Variants in ACAP2 observed in about 807,000 individuals in gnomAD.
The protein encoded by ACAP2 is ArfGAP with coiled-coil, ankyrin repeat and PH domains 2.
ACAP2 carries 39 observed loss-of-function variants against 115.8 expected under a neutral mutation model. The observed-to-expected ratio is 0.34, with a 90% CI of 0.26 to 0.44. The LOEUF is 0.44. ACAP2 is among the 20% of genes least tolerant of loss of function. The pLI is 1.00. For synonymous variants in ACAP2, 289 were observed against 315.8 expected, an observed-to-expected ratio of 0.92 and a Z score of 0.90; for missense variants, 662 against 927.6, an observed-to-expected ratio of 0.71 and a Z score of 3.72.
intron 1 of ACAP2, among the ~76,000 whole-genome samples, chr3:195,439,658 G>A (rs776509050): frequency 6.7e-6 from 1 of 150,094 alleles, no homozygotes; most frequent in South Asian, 2.1e-4. Context: ...AGACAGTCTC[G>A]CTCTGTTGCC....
At chr3:195,308,673 T>C (rs1424252974) in intron 11 of ACAP2, 113 bp downstream of exon 11, 2 of 883,186 alleles carry the variant, frequency 2.3e-6, no homozygotes, top group Admixed American at 3.1e-5. Flanking sequence ...ATAAAACTAA[T>C]AAATAATTAC....
intron 4 of ACAP2, among the ~76,000 whole-genome samples, chr3:195,352,465 T>C (rs1221103031): frequency 6.6e-6 from 1 of 152,246 alleles, no homozygotes; most frequent in Non-Finnish European, 1.5e-5. Flanking sequence ...GTCTTCACTT[T>C]AAAAATAGTA....
chr3:195,343,458 G>C (rs983275844), intron 5 of ACAP2, among the ~76,000 whole-genome samples: 1 of 152,076 alleles, frequency 6.6e-6, no homozygotes, highest in Admixed American at 6.6e-5. Flanking sequence ...CACACTCTAA[G>C]AAACAACATT....
chr3:195,297,109 A>T, intron 16 of ACAP2, 81 bp downstream of exon 16: 2 of 1,246,116 alleles, frequency 1.6e-6, no homozygotes, highest in Non-Finnish European at 2.3e-6. Flanking sequence ...ACTTTGTCTC[A>T]ATGTTATATA....
intron 19 of ACAP2, 140 bp downstream of exon 19, chr3:195,292,125 A>G: frequency 9.6e-7 from 1 of 1,037,146 alleles, no homozygotes; most frequent in Admixed American, 3.4e-5. Flanking sequence ...AGAAACCACT[A>G]CTATTAATAG....
chr3:195,347,274 A>G (rs1731245356), intron 4 of ACAP2, among the ~76,000 whole-genome samples: 1 of 152,194 alleles, frequency 6.6e-6, no homozygotes, highest in African/African-American at 2.4e-5. Flanking sequence ...CAATCTTCTC[A>G]GGAACACTAA....
At chr3:195,311,244 ACG>A (rs2108999855) in intron 10 of ACAP2, among the ~76,000 whole-genome samples, 1 of 151,884 alleles carries the variant, frequency 6.6e-6, no homozygotes, top group East Asian at 1.9e-4. Context: ...TTACAGACAC[ACG>A]CCACCACACC....
chr3:195,395,506 T>C (rs1711684720), intron 1 of ACAP2, among the ~76,000 whole-genome samples: 1 of 152,202 alleles, frequency 6.6e-6, no homozygotes, highest in South Asian at 2.1e-4. Flanking sequence ...AAAATATTTT[T>C]AAAAAATAAT....
At chr3:195,335,625 T>C (rs897684763) in intron 7 of ACAP2, among the ~76,000 whole-genome samples, 1 of 152,154 alleles carries the variant, frequency 6.6e-6, no homozygotes, top group East Asian at 1.9e-4. Flanking sequence ...TACACATTAC[T>C]GTCAATCTCG....
At chr3:195,367,067 A>C (rs1337027505) in intron 4 of ACAP2, among the ~76,000 whole-genome samples, 1 of 148,238 alleles carries the variant, frequency 6.7e-6, no homozygotes, top group Non-Finnish European at 1.5e-5. Context: ...AAAAAAAAAA[A>C]AAAACGGCAA....
At chr3:195,435,650 T>C (rs912285231) in intron 1 of ACAP2, among the ~76,000 whole-genome samples, 26 of 152,228 alleles carry the variant, frequency 1.7e-4, no homozygotes, top group African/African-American at 6.0e-4. Flanking sequence ...TCTACATATT[T>C]GTGAATTTTT....
At chr3:195,390,099 G>A (rs758962693) in intron 2 of ACAP2, among the ~76,000 whole-genome samples, 1 of 152,204 alleles carries the variant, frequency 6.6e-6, no homozygotes, top group African/African-American at 2.4e-5. Flanking sequence ...AGGAGGCTGA[G>A]GCAGGAGAAG....
rs79917977 is a variant in ACAP2, at chr3:195,326,778, T to C, written c.744+107A>G. Reference sequence around the variant, plus strand: ...AAAGAGGAATTTATCTGCACAATTATTAGAACAACTCAAAAGATTTGTTCC... The same window carrying C: ...AAAGAGGAATTTATCTGCACAATTACTAGAACAACTCAAAAGATTTGTTCC... On this transcript the variant is annotated intron_variant, in intron 9 of 22. Transcript: ENST00000326793. 7.8e-3 allele frequency: 7,340 copies of C among 936,788 alleles called. 45 individuals carry two copies. The highest frequency in any genetic ancestry group is 0.01 in the Non-Finnish European group (6,411 of 616,268). The allele number at this position is 936,788 out of a possible 1,614,324, so 58.0% of individuals were successfully genotyped here.
At chr3:195,416,181 AC>A (rs1713709945) in intron 1 of ACAP2, among the ~76,000 whole-genome samples, 1 of 152,088 alleles carries the variant, frequency 6.6e-6, no homozygotes. Context: ...CCCTGTCTCT[AC>A]TAAAAATACA....
chr3:195,363,864 G>A (rs1382086967), intron 4 of ACAP2, among the ~76,000 whole-genome samples: 1 of 152,100 alleles, frequency 6.6e-6, no homozygotes, highest in Non-Finnish European at 1.5e-5. Context: ...CATGCAACAG[G>A]GAAAGGGCAG....
intron 1 of ACAP2, among the ~76,000 whole-genome samples, chr3:195,438,512 A>C (rs966865274): frequency 6.6e-6 from 1 of 152,194 alleles, no homozygotes; most frequent in African/African-American, 2.4e-5. Context: ...TCCAGACTTA[A>C]TAGCAACACA....
At chr3:195,283,468 C>T (rs79663805) in intron 22 of ACAP2, among the ~76,000 whole-genome samples, 2,065 of 152,198 alleles carry the variant, frequency 0.014, 56 homozygotes, top group African/African-American at 0.047. Flanking sequence ...TTAAAAATAC[C>T]TGCATTTAAT....
At chr3:195,413,868 T>C (rs149583811) in intron 1 of ACAP2, among the ~76,000 whole-genome samples, 66 of 151,550 alleles carry the variant, frequency 4.4e-4, no homozygotes, top group African/African-American at 1.5e-3. Context: ...CCAGCTACTC[T>C]GGAAGCTGAG....
intron 1 of ACAP2, among the ~76,000 whole-genome samples, chr3:195,394,168 C>T (rs927216058): frequency 2.0e-5 from 3 of 152,142 alleles, no homozygotes; most frequent in Non-Finnish European, 2.9e-5. Flanking sequence ...AGCTGAATGG[C>T]GTACCCTCCC....
Sources: allele counts gnomAD v4.1 joint callset (sites outside exome capture counted in the v4.1 genomes callset), GRCh38; gene constraint gnomAD v4.1.1; transcripts MANE v1.5; gene names NCBI Gene and HGNC (gene_info 2026-07-23, HGNC 2026-07-21).